Variants in STPG2 observed in about 807,000 individuals in gnomAD.
STPG2 encodes the protein sperm-tail PG-rich repeat-containing protein 2.
STPG2 carries 56 observed loss-of-function variants against 54.2 expected under a neutral mutation model. The ratio of observed to expected loss-of-function variants is 1.03; its 90% CI spans 0.83 to 1.29. The LOEUF (loss-of-function observed/expected upper bound fraction) is 1.29. STPG2 is among the 50% of genes most tolerant of loss of function. STPG2 has a pLI of 0.00. For missense variants in STPG2, 596 were observed against 544.9 expected, an observed-to-expected ratio of 1.09 and a Z score of -0.93; for synonymous variants, 200 against 181.8, an observed-to-expected ratio of 1.10 and a Z score of -0.81.
intron 5 of STPG2, among the ~76,000 whole-genome samples, chr4:97,999,104 T>C (rs1419911534): frequency 6.6e-6 from 1 of 152,138 alleles, no homozygotes; most frequent in African/African-American, 2.4e-5. Context: ...TCATGGAAAA[T>C]AACAATTTGT....
chr4:97,661,104 G>T (rs940288538), intron 10 of STPG2, among the ~76,000 whole-genome samples: 9 of 152,018 alleles, frequency 5.9e-5, no homozygotes, highest in Non-Finnish European at 1.3e-4. Context: ...AATGATGAAA[G>T]AAATCCCAGA....
chr4:97,726,753 T>G (rs1478465259), intron 9 of STPG2, among the ~76,000 whole-genome samples: 2 of 151,738 alleles, frequency 1.3e-5, no homozygotes, highest in Non-Finnish European at 3.0e-5. Flanking sequence ...TCTAAGCTCT[T>G]CTATACAAGT....
chr4:97,929,765 C>T (rs575753340), intron 8 of STPG2, among the ~76,000 whole-genome samples: 3 of 152,250 alleles, frequency 2.0e-5, no homozygotes, highest in Admixed American at 6.5e-5. Flanking sequence ...CTTATAGATG[C>T]TGCATATTAG....
chr4:97,561,983 C>A (rs1578389468), intron 10 of STPG2, among the ~76,000 whole-genome samples: 1 of 152,216 alleles, frequency 6.6e-6, no homozygotes, highest in African/African-American at 2.4e-5. Context: ...TGAAGAAAGT[C>A]ATTGGTAGCT....
chr4:97,523,594 T>G (rs1474345463), intron 4 of STPG2, among the ~76,000 whole-genome samples: 1 of 151,930 alleles, frequency 6.6e-6, no homozygotes, highest in Non-Finnish European at 1.5e-5. Flanking sequence ...AAAAAAATGT[T>G]TATAAGGTAA....
chr4:97,542,434 C>T (rs1294928643), intron 4 of STPG2, among the ~76,000 whole-genome samples: 1 of 152,166 alleles, frequency 6.6e-6, no homozygotes, highest in Non-Finnish European at 1.5e-5. Context: ...CATCTCACAC[C>T]AGTTAGAACT....
intron 8 of STPG2, among the ~76,000 whole-genome samples, chr4:97,863,618 C>A (rs953471666): frequency 3.3e-5 from 5 of 152,028 alleles, no homozygotes; most frequent in African/African-American, 4.8e-5. Flanking sequence ...ATCATCCCGA[C>A]ACCAAAGCCT....
At chr4:97,476,250 T>C (rs1170810917) in intron 4 of STPG2, among the ~76,000 whole-genome samples, 2 of 152,160 alleles carry the variant, frequency 1.3e-5, no homozygotes, top group Non-Finnish European at 2.9e-5. Flanking sequence ...TTCATATGTA[T>C]CCAGTAACTT....
intron 9 of STPG2, among the ~76,000 whole-genome samples, chr4:97,818,737 A>G (rs544631909): frequency 9.2e-5 from 14 of 151,800 alleles, no homozygotes; most frequent in African/African-American, 2.9e-4. Flanking sequence ...TGCATATTCA[A>G]TCTCTCCTCA....
chr4:97,882,117 A>T (rs1730397752), intron 8 of STPG2, among the ~76,000 whole-genome samples: 1 of 152,148 alleles, frequency 6.6e-6, no homozygotes, highest in Admixed American at 6.5e-5. Flanking sequence ...ATAAGCTGGT[A>T]TGAGAAATTT....
At chr4:97,676,746 G>A (rs1264520795) in intron 10 of STPG2, among the ~76,000 whole-genome samples, 3 of 152,070 alleles carry the variant, frequency 2.0e-5, no homozygotes, top group African/African-American at 7.2e-5. Context: ...AATATTGGAG[G>A]ATGTATTCTC....
intron 7 of STPG2, among the ~76,000 whole-genome samples, chr4:97,961,385 G>C (rs1427921273): frequency 2.6e-5 from 4 of 152,190 alleles, no homozygotes; most frequent in African/African-American, 7.2e-5. Context: ...AAGAGCTTTT[G>C]TATGGCAAAA....
At chr4:97,988,232 C>T (rs995386779) in intron 5 of STPG2, among the ~76,000 whole-genome samples, 2 of 152,166 alleles carry the variant, frequency 1.3e-5, no homozygotes, top group African/African-American at 4.8e-5. Flanking sequence ...AATCAGGTCA[C>T]TATACAATGT....
At chr4:97,733,388 C>T (rs747014980) in intron 9 of STPG2, among the ~76,000 whole-genome samples, 18 of 151,556 alleles carry the variant, frequency 1.2e-4, no homozygotes, top group East Asian at 1.9e-4. Flanking sequence ...AGCTAAGCTA[C>T]GAGTATGCAA....
At chr4:97,780,675 T>C (rs1202075891) in intron 9 of STPG2, among the ~76,000 whole-genome samples, 5 of 145,508 alleles carry the variant, frequency 3.4e-5, no homozygotes, top group African/African-American at 1.3e-4. Flanking sequence ...GACCACAGAG[T>C]TGGAAGTAAA....
At chr4:97,957,897 C>T (rs890877439) in intron 7 of STPG2, among the ~76,000 whole-genome samples, 14 of 152,254 alleles carry the variant, frequency 9.2e-5, no homozygotes, top group African/African-American at 2.9e-4. Flanking sequence ...CAGGCCAGTA[C>T]TACAAGAACT....
intron 5 of STPG2, among the ~76,000 whole-genome samples, chr4:98,080,873 G>C (rs1312371673): frequency 1.3e-5 from 2 of 152,014 alleles, no homozygotes; most frequent in East Asian, 1.9e-4. Flanking sequence ...ACCAATTATT[G>C]ATTTTCCTAG....
chr4:97,480,481 T>C (rs1187407350), intron 4 of STPG2, among the ~76,000 whole-genome samples: 1 of 151,582 alleles, frequency 6.6e-6, no homozygotes, highest in African/African-American at 2.4e-5. Context: ...AATACCTCAA[T>C]ACAAAAACCA....
At chr4:97,773,385 T>C (rs1018233625) in intron 9 of STPG2, among the ~76,000 whole-genome samples, 1 of 152,144 alleles carries the variant, frequency 6.6e-6, no homozygotes, top group African/African-American at 2.4e-5. Flanking sequence ...AGTGGTGGAA[T>C]CATAGCTCGC....
Sources: allele counts gnomAD v4.1 joint callset (sites outside exome capture counted in the v4.1 genomes callset), GRCh38; gene constraint gnomAD v4.1.1; transcripts MANE v1.5; gene names NCBI Gene and HGNC (gene_info 2026-07-23, HGNC 2026-07-21).